The following FAIM variants were observed in gnomAD, a reference collection of about 807,000 sequenced individuals.
The protein encoded by FAIM is Fas apoptotic inhibitory molecule.
A neutral mutation model predicts 21.2 loss-of-function variants in FAIM; 14 were observed. The observed-to-expected ratio is 0.66, with a 90% CI of 0.44 to 1.03. The LOEUF is 1.03. FAIM is among the 50% of genes least tolerant of loss of function. The pLI is 0.00. For synonymous variants in FAIM, 86 were observed against 80.4 expected (o/e 1.07, Z -0.37); for missense variants, 222 against 247.1 (o/e 0.90, Z 0.68).
At chr3:138,627,756 C>T (rs2042953901) in intron 4 of FAIM, among the ~76,000 whole-genome samples, 1 of 152,136 alleles carries the variant, frequency 6.6e-6, no homozygotes, top group African/African-American at 2.4e-5. Context: ...GACCCCTGCC[C>T]ATATCTCCTG....
intron 1 of FAIM, among the ~76,000 whole-genome samples, chr3:138,614,700 G>A (rs2042808009): frequency 6.6e-6 from 1 of 152,120 alleles, no homozygotes; most frequent in African/African-American, 2.4e-5. Context: ...CAGCACCTTG[G>A]GAGGCCAAGT....
At chr3:138,626,061 T>C (rs891155868) in intron 4 of FAIM, among the ~76,000 whole-genome samples, 1 of 152,134 alleles carries the variant, frequency 6.6e-6, no homozygotes, top group African/African-American at 2.4e-5. Flanking sequence ...TTCTGAAAAG[T>C]TTCTCTTTGA....
chr3:138,630,593 C>T (rs192455113), intron 5 of FAIM: 3 of 152,282 alleles, frequency 2.0e-5, no homozygotes, highest in East Asian at 3.9e-4. Flanking sequence ...CTGATAGAGA[C>T]TTCTTTTATG....
At chr3:138,622,798 G>C (rs757286465) in intron 4 of FAIM, among the ~76,000 whole-genome samples, 1 of 152,078 alleles carries the variant, frequency 6.6e-6, no homozygotes, top group Non-Finnish European at 1.5e-5. Context: ...CAGCACTTTG[G>C]TAGGCTGAGG....
chr3:138,631,109 G>C (rs1292986384), intron 5 of FAIM: 3 of 150,148 alleles, frequency 2.0e-5, no homozygotes, highest in African/African-American at 7.4e-5. Flanking sequence ...CGGCACTCCA[G>C]CCTCGGTAAC....
chr3:138,616,908 A>T (rs1249835756), intron 1 of FAIM, among the ~76,000 whole-genome samples: 1 of 152,190 alleles, frequency 6.6e-6, no homozygotes, highest in Non-Finnish European at 1.5e-5. Context: ...GAATGCTTCA[A>T]ATTTGCCAGA....
At chr3:138,632,300 C>T (rs930323329) in intron 5 of FAIM, among the ~76,000 whole-genome samples, 1 of 151,684 alleles carries the variant, frequency 6.6e-6, no homozygotes, top group Non-Finnish European at 1.5e-5. Context: ...TTATTTTATA[C>T]ATTTTTTTGT....
chr3:138,613,167 T>G (rs1262115923), intron 1 of FAIM, among the ~76,000 whole-genome samples: 1 of 151,902 alleles, frequency 6.6e-6, no homozygotes, highest in Non-Finnish European at 1.5e-5. Flanking sequence ...TACAGGTGCC[T>G]GCCACCACAC....
intron 4 of FAIM, among the ~76,000 whole-genome samples, chr3:138,622,944 C>T (rs943411887): frequency 3.3e-4 from 50 of 150,122 alleles, no homozygotes; most frequent in African/African-American, 1.2e-3. Context: ...GAGGCTGAGG[C>T]AGGGGAAATC....
At chr3:138,620,476 TCTC>T (rs1391303160) in intron 2 of FAIM, among the ~76,000 whole-genome samples, 1 of 152,138 alleles carries the variant, frequency 6.6e-6, no homozygotes, top group Non-Finnish European at 1.5e-5. Context: ...ATGCCAGAAA[TCTC>T]TGACAAACCA....
chr3:138,624,454 C>G (rs1400378673), intron 4 of FAIM, among the ~76,000 whole-genome samples: 3 of 152,180 alleles, frequency 2.0e-5, no homozygotes, highest in African/African-American at 7.2e-5. Flanking sequence ...TACTCCTTGT[C>G]TGCCTTTACT....
intron 5 of FAIM, chr3:138,629,368 G>A: frequency 2.1e-6 from 1 of 466,162 alleles, no homozygotes; most frequent in Non-Finnish European, 3.8e-6. Context: ...GTTCTTAGCT[G>A]GCACTAGCTT....
chr3:138,632,847 C>A, intron 5 of FAIM, 83 bp from the exon 6 acceptor site: 1 of 1,336,220 alleles, frequency 7.5e-7, no homozygotes, highest in Non-Finnish European at 1.0e-6. Flanking sequence ...TATTGCACTA[C>A]TAGTACTTTT....
chr3:138,620,354 G>T (rs973170673), intron 2 of FAIM, among the ~76,000 whole-genome samples: 1 of 152,096 alleles, frequency 6.6e-6, no homozygotes, highest in African/African-American at 2.4e-5. Flanking sequence ...TGTAATAAAT[G>T]ATACTTCTGT....
At chr3:138,629,223 T>TC in intron 5 of FAIM, 67 bp downstream of exon 5, 1 of 1,290,916 alleles carries the variant, frequency 7.7e-7, no homozygotes, top group Admixed American at 1.9e-5. Flanking sequence ...TTGCTGCATT[T>TC]CCTAATTATA....
At chr3:138,619,847 A>T (rs2042865739) in intron 2 of FAIM, 77 bp downstream of exon 2, 2 of 1,346,574 alleles carry the variant, frequency 1.5e-6, no homozygotes, top group Non-Finnish European at 2.1e-6. Context: ...GATTTATCCA[A>T]GATACTCTGT....
chr3:138,610,979 A>C (rs1293541961), intron 1 of FAIM: 1 of 1,613,656 alleles, frequency 6.2e-7, no homozygotes, highest in Non-Finnish European at 8.5e-7. Context: ...CTTTATAAGG[A>C]CACTCCCACT....
At chr3:138,617,882 A>G (rs2042844564) in intron 1 of FAIM, among the ~76,000 whole-genome samples, 3 of 146,594 alleles carry the variant, frequency 2.0e-5, no homozygotes, top group Non-Finnish European at 4.5e-5. Context: ...ATCTAATTAG[A>G]TCATATAGAT....
At chr3:138,628,323 C>G (rs553987370) in intron 4 of FAIM, among the ~76,000 whole-genome samples, 57 of 152,064 alleles carry the variant, frequency 3.7e-4, no homozygotes, top group Non-Finnish European at 3.5e-4. Flanking sequence ...CTATATAAAT[C>G]CCGTGGCAGC....
Sources: gnomAD v4.1 joint callset for allele counts (sites outside exome capture counted in the v4.1 genomes callset) on GRCh38, gnomAD v4.1.1 for gene constraint, MANE v1.5 for transcripts, NCBI Gene and HGNC (gene_info 2026-07-23, HGNC 2026-07-21) for gene names.